SRSF1: variants seen among roughly 807,000 people sequenced by gnomAD.
SRSF1 encodes the protein serine and arginine rich splicing factor 1.
SRSF1 carries 1 observed loss-of-function variant against 25.9 expected under a neutral mutation model. The observed-to-expected ratio is 0.04, with a 90% CI of 0.01 to 0.18. The LOEUF is 0.18. Among genes scored for constraint, SRSF1 ranks in the 10% least tolerant of loss-of-function variants. The pLI, the probability that SRSF1 is intolerant of heterozygous loss-of-function variation, is 1.00. For missense variants in SRSF1, 65 were observed against 350.5 expected (o/e 0.19, Z 6.50); for synonymous variants, 132 against 126.2 (o/e 1.05, Z -0.31).
chr17:57,996,213 G>T (rs1005785178), downstream of SRSF1, among the ~76,000 whole-genome samples: 1 of 151,888 alleles, frequency 6.6e-6, no homozygotes, highest in Non-Finnish European at 1.5e-5. Flanking sequence ...AGCCGGGCGC[G>T]GTGGCTTATG....
chr17:58,006,314 A>C (rs750364644), intron 2 of SRSF1, 29 bp downstream of exon 2: 36 of 1,574,696 alleles, frequency 2.3e-5, no homozygotes, highest in Non-Finnish European at 2.9e-5. Context: ...TCGTCCCTTC[A>C]CATCAATCCA....
At chr17:58,006,787 C>T (rs2075432252) in intron 1 of SRSF1, 157 bp downstream of exon 1, 2 of 993,964 alleles carry the variant, frequency 2.0e-6, no homozygotes, top group Admixed American at 5.3e-5. Flanking sequence ...GAAGCCACAT[C>T]AACTCAGCTC....
chr17:58,006,775 G>C (rs1246717536), intron 1 of SRSF1, 169 bp downstream of exon 1: 16 of 949,596 alleles, frequency 1.7e-5, no homozygotes, highest in African/African-American at 3.3e-5. Flanking sequence ...CGAGGCGCCA[G>C]AGAAGCCACA....
At chr17:57,997,625 C>A (rs549303635), downstream of SRSF1, among the ~76,000 whole-genome samples, 2 of 152,258 alleles carry the variant, frequency 1.3e-5, no homozygotes, top group African/African-American at 4.8e-5. Flanking sequence ...GATCTGGAGT[C>A]ACTGAAACCA....
Position 58,005,137 on chromosome 17 carries a change from G to C in SRSF1, c.*269C>G, listed in dbSNP as rs561024789. ...CAACATCCCAGTTCACACAAACCAG[G>C]GCAGATAGACATTTACACAATATCA... On this transcript the variant is annotated 3_prime_UTR_variant, in exon 4 of 4. Transcript: ENST00000258962. This position sits in a 1 kb window ranked among gnomAD's most constrained non-coding sequence, Gnocchi z 5.2. 3.9e-6 allele frequency: 2 copies of C among 514,430 alleles called. No homozygotes were observed. Among genetic ancestry groups the C allele is most frequent in the Non-Finnish European group, 6.8e-6 (2 of 293,826 alleles). 31.9% of individuals were successfully genotyped at this position (514,430 alleles called of 1,614,324 possible).
chr17:57,992,618 G>A, the SRSF1 span: 1 of 152,138 alleles, frequency 6.6e-6, no homozygotes, highest in African/African-American at 2.4e-5. Context: ...ACTAAACAAT[G>A]CTGTTTAGTG....
downstream of SRSF1, among the ~76,000 whole-genome samples, chr17:57,998,754 C>T (rs150916547): frequency 4.6e-5 from 7 of 152,316 alleles, no homozygotes; most frequent in Non-Finnish European, 1.0e-4. Context: ...GAAATCTCTA[C>T]TGTGTAAACT....
Position 58,004,422 on chromosome 17 carries a change from G to C in SRSF1, c.*984C>G, listed in dbSNP as rs533687155. The C allele has an allele frequency of 6.6e-6, 1 of 152,598 alleles. No individual in the cohort carries two copies. The highest frequency in any genetic ancestry group is 2.1e-4 in the South Asian group (1 of 4,816). 9.5% of individuals were successfully genotyped at this position (152,598 alleles called of 1,614,324 possible). A position where few individuals can be genotyped will look rare whatever the true frequency, so the allele number is the denominator to read the frequency against. Reference sequence around the variant, plus strand: ...TTATGAATATTAGTTTAAAGGGGAAGGTGAGACTTAAAAGTATTCCCAACT... The same window carrying C: ...TTATGAATATTAGTTTAAAGGGGAACGTGAGACTTAAAAGTATTCCCAACT... On this transcript the variant is annotated 3_prime_UTR_variant, in exon 4 of 4. Transcript: ENST00000258962.
the SRSF1 span, chr17:57,989,605 C>T: frequency 2.5e-6 from 1 of 398,520 alleles, no homozygotes; most frequent in East Asian, 3.6e-5. Flanking sequence ...TTTCCATCCA[C>T]TAGACAAGAA....
the SRSF1 span, chr17:57,990,721 G>A: frequency 6.6e-6 from 1 of 152,184 alleles, no homozygotes; most frequent in Non-Finnish European, 1.5e-5. Context: ...TTTTCGGTGA[G>A]TGAGTAAATG....
rs1478723181 is a variant in SRSF1, at chr17:58,001,189, A to G, written c.*4217T>C. Among the ~76,000 whole-genome samples, 3 of 152,184 alleles carry G rather than the reference A, an allele frequency of 2.0e-5. No individual in the cohort carries two copies. Among genetic ancestry groups the G allele is most frequent in the African/African-American group, 7.2e-5 (3 of 41,448 alleles). ...ACAAAGTAAGCAAAAAGGCACACAT[A>G]AGAAATCCACCTTGACCACAGAAAT... On this transcript the variant is annotated 3_prime_UTR_variant, in exon 4 of 4. Coordinates refer to ENST00000258962, the MANE Select transcript of SRSF1 (RefSeq NM_006924.5).
downstream of SRSF1, among the ~76,000 whole-genome samples, chr17:57,999,159 A>G (rs970483917): frequency 2.0e-5 from 3 of 152,244 alleles, no homozygotes; most frequent in Admixed American, 6.5e-5. Flanking sequence ...AAGCTGACAC[A>G]TAAGTAGGAT....
At chr17:58,006,055 T>C in intron 2 of SRSF1, 82 bp from the exon 3 acceptor site, 2 of 1,295,400 alleles carry the variant, frequency 1.5e-6, no homozygotes, top group Non-Finnish European at 2.1e-6. Flanking sequence ...GGACAAAGAG[T>C]ACTTTAAAGT....
chr17:57,990,003 C>G, the SRSF1 span: 102 of 355,994 alleles, frequency 2.9e-4, no homozygotes, highest in African/African-American at 1.3e-3. Flanking sequence ...TCTTCCCTGC[C>G]TTAACTCACT....
At chr17:57,996,901 A>G (rs776399698), downstream of SRSF1, among the ~76,000 whole-genome samples, 1 of 152,200 alleles carries the variant, frequency 6.6e-6, no homozygotes, top group African/African-American at 2.4e-5. Flanking sequence ...TCTTCACAAT[A>G]CATCGTTATG....
downstream of SRSF1, among the ~76,000 whole-genome samples, chr17:57,996,726 T>C (rs530485273): frequency 6.6e-6 from 1 of 152,244 alleles, no homozygotes; most frequent in Non-Finnish European, 1.5e-5. Context: ...GGGCTGCTTA[T>C]GGGATTTATG....
chr17:57,997,924 G>A (rs2075371302), downstream of SRSF1, among the ~76,000 whole-genome samples: 2 of 152,138 alleles, frequency 1.3e-5, no homozygotes, highest in Non-Finnish European at 2.9e-5. Context: ...GCCTTAAGTT[G>A]TGGATGTCAG....
In SRSF1 at chr17:58,006,607, G is replaced by T. The variant is rs1414917340; in HGVS notation, c.195-80C>A. 2.8e-6 allele frequency: 4 copies of T among 1,449,690 alleles called. No individual in the cohort carries two copies. The Admixed American group carries it at 7.0e-5, about 25-fold the overall frequency. 89.8% of individuals were successfully genotyped at this position (1,449,690 alleles called of 1,614,324 possible). A position where few individuals can be genotyped will look rare whatever the true frequency, so the allele number is the denominator to read the frequency against. On this transcript the variant is annotated intron_variant, in intron 1 of 3. Coordinates refer to ENST00000258962, the MANE Select transcript of SRSF1 (RefSeq NM_006924.5). ...TCAGTTGGGAACCAGCAAACCCCCCGCACATGCGCACCCAACGTGGAAGAG... is the reference window on the plus strand; with the variant it reads ...TCAGTTGGGAACCAGCAAACCCCCCTCACATGCGCACCCAACGTGGAAGAG...
downstream of SRSF1, among the ~76,000 whole-genome samples, chr17:57,999,307 GT>G (rs766846114): frequency 2.0e-4 from 31 of 152,166 alleles, no homozygotes; most frequent in Non-Finnish European, 3.7e-4. Flanking sequence ...GTTATGTCTA[GT>G]TTTCCCCAGC....
Sources: allele counts gnomAD v4.1 joint callset (sites outside exome capture counted in the v4.1 genomes callset), GRCh38; gene constraint gnomAD v4.1.1; non-coding constraint Gnocchi (gnomAD v3.1); transcripts MANE v1.5; gene names NCBI Gene and HGNC (gene_info 2026-07-23, HGNC 2026-07-21).